FBXO40: variants seen among roughly 807,000 people sequenced by gnomAD.
FBXO40 encodes F-box protein 40, also known as F-box only protein 40.
A neutral mutation model predicts 49.9 loss-of-function variants in FBXO40; 50 were observed. The ratio of observed to expected loss-of-function variants is 1.00; its 90% confidence interval spans 0.80 to 1.27. FBXO40 has a LOEUF of 1.27. Among genes scored for constraint, FBXO40 ranks in the 50% most tolerant of loss-of-function variants. FBXO40 has a pLI of 0.00. For synonymous variants in FBXO40, 340 were observed against 320.2 expected, an observed-to-expected ratio of 1.06 and a Z score of -0.66; for missense variants, 895 against 870.1, an observed-to-expected ratio of 1.03 and a Z score of -0.36.
In FBXO40 at chr3:121,627,892, G is replaced by A. The variant is rs767521185; in HGVS notation, c.*982G>A. On this transcript the variant is annotated 3_prime_UTR_variant, in exon 4 of 4. Coordinates refer to ENST00000338040, the MANE Select transcript of FBXO40 (RefSeq NM_016298.4). ...CAAGGCCCACTGCAGTTCCTATGGC[G>A]CCAGTCACCAGCTCCTAGACAGCAC... The A allele has an allele frequency of 4.7e-4, 186 of 398,610 alleles. No homozygotes were observed. Among genetic ancestry groups the A allele is most frequent in the Middle Eastern group, 1.9e-3 (3 of 1,610 alleles). The allele number at this position is 398,610 out of a possible 1,614,324, so 24.7% of individuals were successfully genotyped here. A position where few individuals can be genotyped will look rare whatever the true frequency, so the allele number is the denominator to read the frequency against.
In FBXO40 at chr3:121,621,424, T is replaced by C; in HGVS notation, c.4-9T>C. ...TTTGTTTTCTTCCCCCTGTCCTTGG[T>C]GTGTCCAGGGGAAAGCCCGCAGATC... On this transcript the variant is annotated splice_polypyrimidine_tract_variant and intron_variant, in intron 2 of 3. Transcript: ENST00000338040. 6.2e-7 allele frequency: 1 copy of C among 1,601,990 alleles called. No individual in the cohort carries two copies.
intron 3 of FBXO40, among the ~76,000 whole-genome samples, chr3:121,624,327 A>C (rs1169255726): frequency 6.6e-6 from 1 of 152,146 alleles, no homozygotes; most frequent in Non-Finnish European, 1.5e-5. Flanking sequence ...GGTACTAGGC[A>C]TGGGAACAGT....
intron 1 of FBXO40, among the ~76,000 whole-genome samples, chr3:121,613,534 G>T (rs183115058): frequency 5.9e-5 from 9 of 152,270 alleles, no homozygotes; most frequent in Admixed American, 2.6e-4. Context: ...AATAAAAGAT[G>T]ATCTTCTGAT....
chr3:121,617,428 T>C (rs1036397334), intron 1 of FBXO40, among the ~76,000 whole-genome samples: 67 of 151,828 alleles, frequency 4.4e-4, no homozygotes, highest in African/African-American at 1.4e-3. Context: ...ACCCCGTCTC[T>C]ACTAAAAATA....
At chr3:121,604,411 T>G (rs543102792) in intron 1 of FBXO40, among the ~76,000 whole-genome samples, 1 of 152,214 alleles carries the variant, frequency 6.6e-6, no homozygotes, top group South Asian at 2.1e-4. Flanking sequence ...CAGTAAACCC[T>G]ACATTCCATG....
intron 3 of FBXO40, among the ~76,000 whole-genome samples, chr3:121,624,149 C>T (rs2049049940): frequency 6.6e-6 from 1 of 150,888 alleles, no homozygotes; most frequent in Admixed American, 6.6e-5. Context: ...CACCAACACG[C>T]CAGGCTAATT....
chr3:121,627,083 T>A lies in FBXO40; in HGVS notation c.*173T>A, dbSNP rs2049066094. On this transcript the variant is annotated 3_prime_UTR_variant, in exon 4 of 4. Coordinates refer to ENST00000338040, the MANE Select transcript of FBXO40 (RefSeq NM_016298.4). ...CTCAACACGAGGCCTAAGAATTTCC[T>A]AAGCCATGTCTTGTACCATAGTGCC... is the stretch of plus-strand genomic sequence containing the variant. 1.6e-6 allele frequency: 1 copy of A among 616,840 alleles called. No individual in the cohort carries two copies. The highest frequency in any genetic ancestry group is 1.8e-5 in the African/African-American group (1 of 54,254). The allele number at this position is 616,840 out of a possible 1,614,324, so 38.2% of individuals were successfully genotyped here. A position where few individuals can be genotyped will look rare whatever the true frequency, so the allele number is the denominator to read the frequency against.
At position 121,621,563 on chromosome 3, in the gene FBXO40, C is replaced by G. The variant is rs140885171; in HGVS notation, c.134C>G (p.Thr45Ser). The change falls in exon 3 of 4, where the codon ACC (threonine) becomes AGC (serine). Residue 45 changes from threonine (T) to serine (S), a missense_variant. Physicochemically the swap from Thr to Ser is moderately conservative, Grantham distance 58. Transcript: ENST00000338040. ...AGCTGCCACCTGCTCTGTGGTGCCA[C>G]CTTCCACATGTGCAAAGAGGCAGAG... ...VISCHLLCGA[T>S]FHMCKEAEHQ... The G allele has an allele frequency of 1.5e-5, 25 of 1,614,242 alleles. No homozygotes were observed. The highest frequency in any genetic ancestry group is 2.0e-5 in the Non-Finnish European group (24 of 1,180,054).
intron 1 of FBXO40, among the ~76,000 whole-genome samples, chr3:121,604,874 G>T (rs1334547503): frequency 6.6e-6 from 1 of 152,180 alleles, no homozygotes; most frequent in African/African-American, 2.4e-5. Context: ...AGGCCAAGTG[G>T]TTATACCCAT....
chr3:121,623,421 T>C (rs1330739627), intron 3 of FBXO40, 78 bp downstream of exon 3: 3 of 1,276,022 alleles, frequency 2.4e-6, no homozygotes, highest in East Asian at 4.9e-5. Context: ...TCTCTCTCTG[T>C]TGCCCAGGCA....
chr3:121,598,020 T>C (rs979807892), intron 1 of FBXO40, among the ~76,000 whole-genome samples: 10 of 152,192 alleles, frequency 6.6e-5, no homozygotes, highest in African/African-American at 2.4e-4. Flanking sequence ...TTGTCAAAAA[T>C]CACTCAGCTT....
Position 121,622,117 on chromosome 3 carries a change from G to A in FBXO40, c.688G>A (p.Ala230Thr). 1 of 1,614,210 alleles carries A rather than the reference G, an allele frequency of 6.2e-7. No homozygotes were observed. The highest frequency in any genetic ancestry group is 8.5e-7 in the Non-Finnish European group (1 of 1,180,048). ...TTTCAGCAAAGAGCACGCAGCCTCT[G>A]CTTTAACAAATTCATCAGCGAGCTG... ...NIFSKEHAASALTNSSASCES... is the reference protein window; with the variant it reads ...NIFSKEHAASTLTNSSASCES... Residue 230 changes from alanine to threonine, a missense_variant, in exon 3 of 4, where the codon GCT (alanine) becomes ACT (threonine). Ala to Thr is a moderately conservative substitution (Grantham distance 58, BLOSUM62 0). Coordinates refer to ENST00000338040, the MANE Select transcript of FBXO40 (RefSeq NM_016298.4).
chr3:121,623,770 C>T (rs1253455601), intron 3 of FBXO40, among the ~76,000 whole-genome samples: 6 of 146,990 alleles, frequency 4.1e-5, no homozygotes, highest in Non-Finnish European at 7.4e-5. Context: ...CTCACCACAA[C>T]CTCCACGTTC....
Position 121,628,398 on chromosome 3 carries a change from G to T in FBXO40, c.*1488G>T, listed in dbSNP as rs1337991657. 1 of 152,234 alleles carries T rather than the reference G, an allele frequency of 6.6e-6. No homozygotes were observed. The highest frequency in any genetic ancestry group is 2.4e-5 in the African/African-American group (1 of 41,440). 9.4% of individuals were successfully genotyped at this position (152,234 alleles called of 1,614,324 possible). ...GCTGGTCTCAAACTCCCGACCTCAG[G>T]TGACTCGCCCGCCTTGGCCTTCCAA... is the stretch of plus-strand genomic sequence containing the variant. On this transcript the variant is annotated 3_prime_UTR_variant, in exon 4 of 4. Coordinates refer to ENST00000338040, the MANE Select transcript of FBXO40 (RefSeq NM_016298.4).
chr3:121,601,680 C>T (rs191673955), intron 1 of FBXO40, among the ~76,000 whole-genome samples: 7 of 152,348 alleles, frequency 4.6e-5, no homozygotes, highest in African/African-American at 1.7e-4. Context: ...CTTTTCCTTT[C>T]CAGGAACTGA....
intron 1 of FBXO40, among the ~76,000 whole-genome samples, chr3:121,615,191 A>G (rs1310578763): frequency 2.4e-5 from 2 of 84,780 alleles, no homozygotes; most frequent in African/African-American, 9.9e-5. Flanking sequence ...GGCAACAGAG[A>G]GAGCATCTCA....
chr3:121,621,401 T>G (rs750099664), intron 2 of FBXO40, 32 bp from the exon 3 acceptor site: 1 of 1,571,464 alleles, frequency 6.4e-7, no homozygotes, highest in East Asian at 2.3e-5. Flanking sequence ...AGTATTCATT[T>G]GTTTTCTTCC....
At chr3:121,605,799 T>C (rs2048929552) in intron 1 of FBXO40, among the ~76,000 whole-genome samples, 1 of 152,190 alleles carries the variant, frequency 6.6e-6, no homozygotes. Context: ...TGTGCTTTTG[T>C]CCATTGTTTA....
At chr3:121,616,885 A>G (rs2049000493) in intron 1 of FBXO40, among the ~76,000 whole-genome samples, 1 of 152,216 alleles carries the variant, frequency 6.6e-6, no homozygotes, top group African/African-American at 2.4e-5. Flanking sequence ...CCTTGTTCAA[A>G]AATGAGAGGT....
Sources: allele counts gnomAD v4.1 joint callset (sites outside exome capture counted in the v4.1 genomes callset), GRCh38; gene constraint gnomAD v4.1.1; transcripts MANE v1.5; gene names NCBI Gene and HGNC (gene_info 2026-07-23, HGNC 2026-07-21).